AGMO: variants seen among roughly 807,000 people sequenced by gnomAD.
AGMO encodes alkylglycerol monooxygenase, also known as glyceryl-ether monooxygenase.
AGMO carries 75 observed loss-of-function variants against 60.2 expected under a neutral mutation model. That is an observed-to-expected ratio of 1.25 (90% CI 1.03 to 1.51). AGMO has a LOEUF of 1.51. AGMO is among the 40% of genes most tolerant of loss of function. AGMO has a pLI of 0.00. For synonymous variants in AGMO, 261 were observed against 177.1 expected (o/e 1.47, Z -3.76); for missense variants, 763 against 525.5 (o/e 1.45, Z -4.42).
intron 8 of AGMO, among the ~76,000 whole-genome samples, chr7:15,388,704 G>A (rs1448132893): frequency 3.3e-5 from 5 of 152,176 alleles, no homozygotes; most frequent in African/African-American, 1.2e-4. Flanking sequence ...TGTCTGTTGG[G>A]AGCCATCCTA....
At chr7:15,492,075 C>A (rs555385186) in intron 3 of AGMO, among the ~76,000 whole-genome samples, 2 of 152,292 alleles carry the variant, frequency 1.3e-5, no homozygotes, top group South Asian at 4.1e-4. Flanking sequence ...CAGGGTGGAG[C>A]ATTTCCTAAT....
chr7:15,341,450 C>A (rs1302561146), intron 12 of AGMO, among the ~76,000 whole-genome samples: 1 of 152,122 alleles, frequency 6.6e-6, no homozygotes, highest in Non-Finnish European at 1.5e-5. Flanking sequence ...TATCTGAGAC[C>A]ATCTCAGCCT....
At chr7:15,432,422 G>T (rs186371752) in intron 3 of AGMO, among the ~76,000 whole-genome samples, 73 of 137,508 alleles carry the variant, frequency 5.3e-4, no homozygotes, top group Non-Finnish European at 9.4e-4. Context: ...CAAAATGAAA[G>T]TTCTCTGAAC....
At chr7:15,246,714 G>C (rs1782753497) in intron 12 of AGMO, among the ~76,000 whole-genome samples, 2 of 151,876 alleles carry the variant, frequency 1.3e-5, no homozygotes, top group Non-Finnish European at 1.5e-5. Context: ...TTTCTTTCTT[G>C]AACCTAGCAC....
At chr7:15,392,891 G>A (rs192046883) in intron 6 of AGMO, among the ~76,000 whole-genome samples, 78 of 152,224 alleles carry the variant, frequency 5.1e-4, no homozygotes, top group Non-Finnish European at 6.8e-4. Flanking sequence ...CCTTAAATGC[G>A]CTCAAAGCAC....
chr7:15,142,103 G>A, the AGMO span, among the ~76,000 whole-genome samples: 134,469 of 152,136 alleles, frequency 0.88, 60,058 homozygotes, highest in East Asian at 0.99. Flanking sequence ...GATCTGTCAT[G>A]TTATTCTTAA....
chr7:15,454,514 CCTTTTTCT>C (rs1394304887), intron 3 of AGMO, among the ~76,000 whole-genome samples: 1 of 152,044 alleles, frequency 6.6e-6, no homozygotes, highest in Non-Finnish European at 1.5e-5. Flanking sequence ...TTTTCAATAA[CCTTTTTCT>C]AAAAAAACTA....
intron 12 of AGMO, among the ~76,000 whole-genome samples, chr7:15,361,713 A>G (rs571829726): frequency 6.6e-6 from 1 of 152,172 alleles, no homozygotes; most frequent in South Asian, 2.1e-4. Flanking sequence ...CTTACAATCT[A>G]TTTTCTCCGC....
intron 5 of AGMO, among the ~76,000 whole-genome samples, chr7:15,409,907 C>T (rs1341457947): frequency 6.6e-6 from 1 of 151,504 alleles, no homozygotes; most frequent in East Asian, 1.9e-4. Context: ...GGTAATACCA[C>T]TACAAATTCT....
chr7:15,458,681 C>T (rs1233198397), intron 3 of AGMO, among the ~76,000 whole-genome samples: 1 of 152,070 alleles, frequency 6.6e-6, no homozygotes, highest in African/African-American at 2.4e-5. Context: ...TACATCGCCA[C>T]CTTTAATCCT....
intron 12 of AGMO, among the ~76,000 whole-genome samples, chr7:15,241,285 C>G (rs1323339469): frequency 1.3e-5 from 2 of 151,018 alleles, no homozygotes; most frequent in Non-Finnish European, 2.9e-5. Context: ...ACGGTGAAAC[C>G]CCGTCTCTAC....
intron 12 of AGMO, among the ~76,000 whole-genome samples, chr7:15,273,335 T>C (rs942141574): frequency 6.6e-6 from 1 of 152,222 alleles, no homozygotes; most frequent in African/African-American, 2.4e-5. Context: ...TAGTTTCAGC[T>C]TTCTACATAT....
the AGMO span, among the ~76,000 whole-genome samples, chr7:15,183,350 T>C: frequency 2.0e-5 from 3 of 152,088 alleles, no homozygotes; most frequent in Admixed American, 6.6e-5. Flanking sequence ...GAAAGAACAA[T>C]AGACAAGGTG....
chr7:15,170,394 A>C, the AGMO span, among the ~76,000 whole-genome samples: 1 of 152,226 alleles, frequency 6.6e-6, no homozygotes, highest in Non-Finnish European at 1.5e-5. Context: ...AGCAAGAAAT[A>C]ATTAACATAG....
chr7:15,206,699 C>T (rs923585751), intron 12 of AGMO, among the ~76,000 whole-genome samples: 1 of 152,076 alleles, frequency 6.6e-6, no homozygotes, highest in East Asian at 1.9e-4. Context: ...TGTTGCACAC[C>T]TTATTGAAAA....
chr7:15,265,286 G>A lies in AGMO; in HGVS notation c.1264-63927C>T, dbSNP rs112676704. ...ACAGACAATGGGGACTATTAGATGG[G>A]GGATGGAGAGAGGGAGAGAAGTGTG... On this transcript the variant is annotated intron_variant, in intron 12 of 12. Transcript: ENST00000342526. Among the ~76,000 whole-genome samples, 628 of 152,070 alleles carry A rather than the reference G, an allele frequency of 4.1e-3. 2 individuals are homozygous for A. Among genetic ancestry groups the A allele is most frequent in the African/African-American group, 0.013 (529 of 41,490 alleles).
chr7:15,171,250 G>A, the AGMO span, among the ~76,000 whole-genome samples: 4 of 152,118 alleles, frequency 2.6e-5, no homozygotes, highest in Non-Finnish European at 5.9e-5. Flanking sequence ...CAAAGTGATG[G>A]GATTACAGGC....
chr7:15,437,661 A>T (rs2128500508), intron 3 of AGMO, among the ~76,000 whole-genome samples: 1 of 151,576 alleles, frequency 6.6e-6, no homozygotes, highest in Non-Finnish European at 1.5e-5. Context: ...CACCCTCCCA[A>T]GTAGCTGGGA....
At chr7:15,384,783 T>C (rs1017827587) in intron 10 of AGMO, among the ~76,000 whole-genome samples, 4 of 150,202 alleles carry the variant, frequency 2.7e-5, no homozygotes, top group African/African-American at 7.3e-5. Context: ...TAATGAAGAA[T>C]ACAAATAAAT....
Sources: gnomAD v4.1 joint callset for allele counts (sites outside exome capture counted in the v4.1 genomes callset) on GRCh38, gnomAD v4.1.1 for gene constraint, MANE v1.5 for transcripts, NCBI Gene and HGNC (gene_info 2026-07-23, HGNC 2026-07-21) for gene names.